PCDH11X: variants seen among roughly 807,000 people sequenced by gnomAD.
PCDH11X encodes protocadherin-11 X-linked.
Under a neutral mutation model 53.3 loss-of-function variants are expected in PCDH11X, and 18 were observed. The ratio of observed to expected loss-of-function variants is 0.34; its 90% CI spans 0.23 to 0.50. The LOEUF (loss-of-function observed/expected upper bound fraction) is 0.50. PCDH11X is among the 20% of genes least tolerant of loss of function. The probability of loss-of-function intolerance (pLI) is 0.98; values close to 1 mark genes in which losing one functional copy is unlikely to be tolerated. For synonymous variants in PCDH11X, 279 were observed against 393.3 expected (o/e 0.71, Z 3.44); for missense variants, 570 against 1,032.4 (o/e 0.55, Z 6.14).
chrX:92,235,372 C>T (rs1209924494), intron 7 of PCDH11X, among the ~76,000 whole-genome samples: 2 of 110,670 alleles, frequency 1.8e-5, no homozygotes, highest in Non-Finnish European at 3.8e-5. Context: ...AGAGTTTTGA[C>T]AAATAAGGCC....
At chrX:92,318,487 A>C (rs1360888945) in intron 8 of PCDH11X, among the ~76,000 whole-genome samples, 1 of 111,179 alleles carries the variant, frequency 9.0e-6, no homozygotes, top group Non-Finnish European at 1.9e-5. Flanking sequence ...TTTTTTTGAA[A>C]TACAGATACT....
At chrX:92,302,105 G>C (rs973921766) in intron 8 of PCDH11X, among the ~76,000 whole-genome samples, 9 of 111,508 alleles carry the variant, frequency 8.1e-5, no homozygotes, top group Non-Finnish European at 1.3e-4. Flanking sequence ...TTGAATGGGG[G>C]CTGGGTAGAA....
At chrX:92,393,399 A>G (rs1277336859) in intron 9 of PCDH11X, among the ~76,000 whole-genome samples, 1 of 109,942 alleles carries the variant, frequency 9.1e-6, no homozygotes, top group African/African-American at 3.3e-5. Flanking sequence ...TGAATCAATC[A>G]ATATTTCTAA....
chrX:92,438,926 A>C (rs1182671492), intron 9 of PCDH11X, among the ~76,000 whole-genome samples: 1 of 111,386 alleles, frequency 9.0e-6, no homozygotes, highest in South Asian at 3.8e-4. Context: ...ACATGAGATT[A>C]ATATGGGTGA....
chrX:92,291,175 G>A (rs147751417), intron 8 of PCDH11X, among the ~76,000 whole-genome samples: 4,169 of 107,251 alleles, frequency 0.039, 148 homozygotes, highest in East Asian at 0.26. Flanking sequence ...CTCCCAAAGT[G>A]TTGAGATTAC....
At chrX:92,182,170 G>T (rs1237593658) in intron 6 of PCDH11X, among the ~76,000 whole-genome samples, 1 of 112,141 alleles carries the variant, frequency 8.9e-6, no homozygotes, top group African/African-American at 3.2e-5. Flanking sequence ...TGTGAGACAG[G>T]GAGTCAAAGG....
At chrX:92,214,213 A>ATTTC (rs2066643664) in intron 7 of PCDH11X, among the ~76,000 whole-genome samples, 1 of 112,090 alleles carries the variant, frequency 8.9e-6, no homozygotes, top group African/African-American at 3.2e-5. Flanking sequence ...TTTTGGGTGA[A>ATTTC]GGTATGATCC....
At chrX:91,902,278 C>A (rs902898382) in intron 6 of PCDH11X, among the ~76,000 whole-genome samples, 2 of 110,305 alleles carry the variant, frequency 1.8e-5, no homozygotes, top group Non-Finnish European at 3.8e-5. Context: ...CCATTCACTA[C>A]TCATATGTCT....
intron 6 of PCDH11X, among the ~76,000 whole-genome samples, chrX:92,073,623 G>A (rs957606799): frequency 9.8e-5 from 11 of 112,437 alleles, no homozygotes; most frequent in Admixed American, 3.8e-4. Flanking sequence ...CAATGGAAGA[G>A]CAATATACTT....
At chrX:91,796,293 G>A (rs1935731712) in intron 1 of PCDH11X, among the ~76,000 whole-genome samples, 1 of 111,761 alleles carries the variant, frequency 8.9e-6, no homozygotes, top group African/African-American at 3.2e-5. Context: ...TTCTACCAGA[G>A]CCATGTATTC....
intron 5 of PCDH11X, among the ~76,000 whole-genome samples, chrX:91,861,899 T>C (rs111521263): frequency 0.12 from 13,304 of 110,715 alleles, 2,087 homozygotes; most frequent in African/African-American, 0.42. Flanking sequence ...TTGCATCAAC[T>C]GCCTAGTCAG....
intron 6 of PCDH11X, chrX:92,113,784 C>T (rs1435335924): frequency 8.4e-6 from 10 of 1,193,936 alleles, no homozygotes; most frequent in Admixed American, 2.2e-5. Context: ...CCCTCATGAA[C>T]TTCTTGATCA....
intron 10 of PCDH11X, among the ~76,000 whole-genome samples, chrX:92,543,825 G>T (rs2074799897): frequency 1.9e-5 from 2 of 107,682 alleles, no homozygotes; most frequent in Admixed American, 2.0e-4. Context: ...AATAACAGAA[G>T]GAAATACTAT....
intron 6 of PCDH11X, among the ~76,000 whole-genome samples, chrX:92,178,011 T>G (rs2065937498): frequency 9.0e-6 from 1 of 111,232 alleles, no homozygotes; most frequent in Admixed American, 9.7e-5. Flanking sequence ...CATGGAGTCT[T>G]TGTTTCAGAG....
intron 8 of PCDH11X, among the ~76,000 whole-genome samples, chrX:92,374,453 CAG>C (rs1298014586): frequency 4.9e-5 from 5 of 101,779 alleles, no homozygotes; most frequent in Admixed American, 4.4e-4. Context: ...CATTGTCTCC[CAG>C]AGAGTGCTCT....
chrX:92,106,900 A>C (rs948428181), intron 6 of PCDH11X, among the ~76,000 whole-genome samples: 1 of 111,374 alleles, frequency 9.0e-6, no homozygotes, highest in African/African-American at 3.3e-5. Context: ...ATGCCTCACT[A>C]TACATCCCAC....
At chrX:92,384,224 G>T (rs1433589239) in intron 8 of PCDH11X, among the ~76,000 whole-genome samples, 3 of 110,733 alleles carry the variant, frequency 2.7e-5, no homozygotes, top group Non-Finnish European at 5.7e-5. Flanking sequence ...CTGGGTGTTA[G>T]TCCTTTGTCA....
At chrX:92,416,640 G>A (rs1300749743) in intron 9 of PCDH11X, among the ~76,000 whole-genome samples, 2 of 110,267 alleles carry the variant, frequency 1.8e-5, no homozygotes, top group Non-Finnish European at 3.8e-5. Flanking sequence ...AATGATAAAT[G>A]TTTGAGGTGA....
chrX:91,966,995 C>T (rs1430468888), intron 6 of PCDH11X, among the ~76,000 whole-genome samples: 1 of 88,272 alleles, frequency 1.1e-5, no homozygotes, highest in Non-Finnish European at 2.2e-5. Context: ...CCCCACCCCC[C>T]GACTGGCCCC....
Sources: allele counts gnomAD v4.1 joint callset (sites outside exome capture counted in the v4.1 genomes callset), GRCh38; gene constraint gnomAD v4.1.1; transcripts MANE v1.5; gene names NCBI Gene and HGNC (gene_info 2026-07-23, HGNC 2026-07-21).